Variants in VILL observed in about 807,000 individuals in gnomAD.
VILL encodes the protein villin like.
In VILL, 102 loss-of-function variants were observed where a neutral mutation model predicts 106.3. The observed-to-expected ratio is 0.96, with a 90% CI of 0.82 to 1.13. The LOEUF (loss-of-function observed/expected upper bound fraction) is 1.13, where lower values mean the gene tolerates loss of function less well. Among genes scored for constraint, VILL ranks in the 50% most tolerant of loss-of-function variants. The pLI, the probability that VILL is intolerant of heterozygous loss-of-function variation, is 0.00. For synonymous variants in VILL, 431 were observed against 440.3 expected (o/e 0.98, Z 0.27); for missense variants, 1,076 against 1,116.6 (o/e 0.96, Z 0.52).
intron 1 of VILL, among the ~76,000 whole-genome samples, chr3:37,992,358 C>T (rs1699622466): frequency 6.6e-6 from 1 of 152,180 alleles, no homozygotes; most frequent in Non-Finnish European, 1.5e-5. Flanking sequence ...CTTTTCATGG[C>T]CACTATGTCT....
chr3:37,996,690 T>C (rs1331432008), intron 5 of VILL, among the ~76,000 whole-genome samples: 1 of 152,228 alleles, frequency 6.6e-6, no homozygotes, highest in Non-Finnish European at 1.5e-5. Flanking sequence ...GGCATAATTA[T>C]CTAAAGTACT....
In VILL at chr3:37,998,931, G is replaced by T; in HGVS notation, c.962G>T (p.Gly321Val). The change falls in exon 10 of 20, where the codon GGC (glycine) becomes GTC (valine). Residue 321 changes from glycine (G) to valine (V), a missense_variant. By Grantham distance (109) the Gly-to-Val change is moderately radical (BLOSUM62 -3). Transcript: ENST00000383759. The surrounding 1 kb of genome is among the most constrained non-coding windows in gnomAD (Gnocchi z 4.1). ...CCCCAGGGCTTCATCCAGGCCAAGG[G>T]CTACCCGACCTACACCAACGTGGAG... ...SRAVGFIQAKGYPTYTNVEVV... is the reference protein window; with the variant it reads ...SRAVGFIQAKVYPTYTNVEVV... The T allele has an allele frequency of 6.2e-7, 1 of 1,604,876 alleles. No individual in the cohort carries two copies. Among genetic ancestry groups the T allele is most frequent in the Non-Finnish European group, 8.5e-7 (1 of 1,175,120 alleles).
intron 15 of VILL, chr3:38,003,580 G>A: frequency 2.2e-6 from 1 of 463,836 alleles, no homozygotes; most frequent in Non-Finnish European, 3.9e-6. Flanking sequence ...CCTGGTCCTG[G>A]GCCAGGGGAC....
At chr3:38,002,198 G>A (rs999790468) in intron 13 of VILL, 198 bp from the exon 14 acceptor site, 43 of 638,038 alleles carry the variant, frequency 6.7e-5, no homozygotes, top group South Asian at 1.0e-4. Context: ...ATTTAAAAAG[G>A]GTCTGTCCCT....
At position 37,998,018 on chromosome 3, in the gene VILL, C is replaced by G. The variant is rs1699737026; in HGVS notation, c.765-72C>G. ...GTCTCTGAGGGACTGGGGTGGGGTC[C>G]TAAATGGGGCTGGAGTGGAGACAGA... On this transcript the variant is annotated intron_variant, in intron 7 of 19. Transcript: ENST00000383759. This position sits in a 1 kb window ranked among gnomAD's most constrained non-coding sequence, Gnocchi z 4.1. The G allele has an allele frequency of 6.8e-6, 10 of 1,470,924 alleles. No individual in the cohort carries two copies. The South Asian group carries it at 9.9e-5, about 15-fold the overall frequency. 91.1% of individuals were successfully genotyped at this position (1,470,924 alleles called of 1,614,324 possible). A position where few individuals can be genotyped will look rare whatever the true frequency, so the allele number is the denominator to read the frequency against.
chr3:38,002,038 TC>T, intron 13 of VILL, 178 bp downstream of exon 13: 2 of 992,372 alleles, frequency 2.0e-6, no homozygotes, highest in Non-Finnish European at 2.9e-6. Flanking sequence ...TGAGTTTCCC[TC>T]CCCAGTCCCA....
At chr3:37,992,110 G>C (rs1699619115) in intron 1 of VILL, among the ~76,000 whole-genome samples, 1 of 152,126 alleles carries the variant, frequency 6.6e-6, no homozygotes, top group African/African-American at 2.4e-5. Flanking sequence ...TGCCCTGGTT[G>C]ACACTGTTCT....
intron 11 of VILL, 158 bp from the exon 12 acceptor site, chr3:38,001,298 A>G (rs1312399638): frequency 1.5e-5 from 17 of 1,108,960 alleles, no homozygotes; most frequent in African/African-American, 3.2e-5. Context: ...AAAGCCCAGC[A>G]CAAGGCCCAG....
chr3:37,995,275 C>A (rs1049997499), intron 4 of VILL, among the ~76,000 whole-genome samples: 1 of 152,330 alleles, frequency 6.6e-6, no homozygotes, highest in South Asian at 2.1e-4. Context: ...ACAGTTGAAC[C>A]TATATATGCA....
Position 37,994,481 on chromosome 3 carries a change from G to T in VILL, c.341+15G>T. The T allele has an allele frequency of 1.9e-6, 3 of 1,610,140 alleles. No individual in the cohort carries two copies. Among genetic ancestry groups the T allele is most frequent in the Non-Finnish European group, 2.5e-6 (3 of 1,179,050 alleles). On this transcript the variant is annotated intron_variant, in intron 4 of 19. Coordinates refer to ENST00000383759, the MANE Select transcript of VILL (RefSeq NM_015873.4). Reference sequence around the variant, plus strand: ...CCGGGAATCATGTGAGTGCGGGGGCGACCGGGGCAGGAGGGAGCCGTGGAG... The same window carrying T: ...CCGGGAATCATGTGAGTGCGGGGGCTACCGGGGCAGGAGGGAGCCGTGGAG...
At position 38,007,079 on chromosome 3, in the gene VILL, T is replaced by C. The variant is rs367685738; in HGVS notation, c.*24T>C. The C allele has an allele frequency of 5.7e-5, 91 of 1,594,512 alleles. No homozygotes were observed. The highest frequency in any genetic ancestry group is 1.2e-5 in the Non-Finnish European group (14 of 1,163,088). ...GAACCCAAGCCCTCTCGACTGCCCC[T>C]ATCCCCTGGACCCCAACATACCTAC... is the stretch of plus-strand genomic sequence containing the variant. On this transcript the variant is annotated 3_prime_UTR_variant, in exon 20 of 20. Coordinates refer to ENST00000383759, the MANE Select transcript of VILL (RefSeq NM_015873.4).
At position 37,997,302 on chromosome 3, in the gene VILL, A is replaced by C; in HGVS notation, c.561+115A>C. The C allele has an allele frequency of 8.1e-7, 1 of 1,238,350 alleles. No individual in the cohort carries two copies. Among genetic ancestry groups the C allele is most frequent in the East Asian group, 2.4e-5 (1 of 41,416 alleles). The allele number at this position is 1,238,350 out of a possible 1,614,324, so 76.7% of individuals were successfully genotyped here. A position where few individuals can be genotyped will look rare whatever the true frequency, so the allele number is the denominator to read the frequency against. ...GGCTTGGCTCTGCTACAACCCAAGAAACGCCTATGAGTTACAAGCTGAGTT... is the reference window on the plus strand; with the variant it reads ...GGCTTGGCTCTGCTACAACCCAAGACACGCCTATGAGTTACAAGCTGAGTT... On this transcript the variant is annotated intron_variant, in intron 6 of 19. Transcript: ENST00000383759. This position sits in a 1 kb window ranked among gnomAD's most constrained non-coding sequence, Gnocchi z 4.7.
rs774739320 is a variant in VILL at position 38,001,818 on chromosome 3, C to T, written c.1437C>T (p.Pro479=). 6.2e-7 allele frequency: 1 copy of T among 1,614,248 alleles called. No individual in the cohort carries two copies. Among genetic ancestry groups the T allele is most frequent in the South Asian group, 1.1e-5 (1 of 91,088 alleles). The change falls in exon 13 of 20, where the codon CCC becomes CCT. Residue 479 remains proline (P), a synonymous_variant. Coordinates refer to ENST00000383759, the MANE Select transcript of VILL (RefSeq NM_015873.4). ...QEHVTMGSEP[P]HFLAIFQGQL... ...ATGTGACCATGGGCAGCGAGCCCCC[C>T]CACTTCCTCGCCATCTTCCAGGGCC...
upstream of VILL, among the ~76,000 whole-genome samples, chr3:37,988,719 G>A (rs1419500481): frequency 6.6e-5 from 10 of 152,254 alleles, no homozygotes; most frequent in South Asian, 4.1e-4. Flanking sequence ...AAAATTAGCC[G>A]GGTGTGGTGG....
intron 11 of VILL, 190 bp from the exon 12 acceptor site, chr3:38,001,266 G>T (rs1359276093): frequency 2.4e-6 from 2 of 834,334 alleles, no homozygotes; most frequent in Non-Finnish European, 3.6e-6. Flanking sequence ...GTGGGGAAAG[G>T]GTCACCTGCA....
Position 37,994,355 on chromosome 3 carries a change from A to C in VILL, c.230A>C (p.Glu77Ala), listed in dbSNP as rs746319523. 34 of 1,611,458 alleles carry C rather than the reference A, an allele frequency of 2.1e-5. No individual in the cohort carries two copies. Among genetic ancestry groups the C allele is most frequent in the Non-Finnish European group, 2.7e-5 (32 of 1,179,628 alleles). Reference protein sequence around the residue: ...QAGAEAQGAAEAFQQRLQDEL... With the variant: ...QAGAEAQGAAAAFQQRLQDEL... ...GGTGCGGAAGCGCAGGGCGCTGCGG[A>C]GGCCTTCCAGCAGCGCCTACAGGAC... Residue 77 changes from glutamate to alanine, a missense_variant, in exon 4 of 20, where the codon GAG (glutamate) becomes GCG (alanine). Transcript: ENST00000383759.
chr3:38,004,436 G>A (rs375181376), intron 16 of VILL, 37 bp downstream of exon 16: 8 of 1,589,630 alleles, frequency 5.0e-6, no homozygotes, highest in South Asian at 3.4e-5. Context: ...GGCTGTGAAC[G>A]GGGGTGTGTT....
intron 11 of VILL, among the ~76,000 whole-genome samples, chr3:37,999,880 C>T (rs1359979757): frequency 1.3e-5 from 2 of 152,218 alleles, no homozygotes; most frequent in Non-Finnish European, 2.9e-5. Context: ...CACAGACACA[C>T]GATCACACAT....
rs1225519699 is a variant in VILL, at chr3:37,998,955, A to G, written c.986A>G (p.Glu329Gly). The G allele has an allele frequency of 2.0e-5, 32 of 1,608,464 alleles. No homozygotes were observed. Among genetic ancestry groups the G allele is most frequent in the Non-Finnish European group, 2.6e-5 (31 of 1,177,486 alleles). Reference protein sequence around the residue: ...AKGYPTYTNVEVVNDGAESAA... With the variant: ...AKGYPTYTNVGVVNDGAESAA... ...GGCTACCCGACCTACACCAACGTGG[A>G]GGTGGTGAACGACGGCGCCGAGTCG... Residue 329 changes from glutamate (E) to glycine (G), a missense_variant, in exon 10 of 20, where the codon GAG (glutamate) becomes GGG (glycine). Physicochemically the swap from Glu to Gly is moderately conservative, Grantham distance 98. Transcript: ENST00000383759. The surrounding 1 kb of genome is among the most constrained non-coding windows in gnomAD (Gnocchi z 4.1).
Sources: allele counts gnomAD v4.1 joint callset (sites outside exome capture counted in the v4.1 genomes callset), GRCh38; gene constraint gnomAD v4.1.1; non-coding constraint Gnocchi (gnomAD v3.1); transcripts MANE v1.5; gene names NCBI Gene and HGNC (gene_info 2026-07-23, HGNC 2026-07-21).